Variants in MYO9B observed in about 807,000 individuals in gnomAD.
MYO9B encodes myosin IXB, also known as unconventional myosin-IXb.
Under a neutral mutation model 229.5 loss-of-function variants are expected in MYO9B, and 71 were observed. That is an observed-to-expected ratio of 0.31 (90% CI 0.26 to 0.38). The LOEUF (loss-of-function observed/expected upper bound fraction) is 0.38, where lower values mean the gene tolerates loss of function less well. MYO9B is among the 10% of genes least tolerant of loss of function. The pLI is 1.00. For missense variants in MYO9B, 2,255 were observed against 2,920.5 expected, an observed-to-expected ratio of 0.77 and a Z score of 5.25; for synonymous variants, 1,185 against 1,235.8, an observed-to-expected ratio of 0.96 and a Z score of 0.86.
intron 1 of MYO9B, among the ~76,000 whole-genome samples, chr19:17,091,320 G>A (rs2057635661): frequency 6.6e-6 from 1 of 152,194 alleles, no homozygotes; most frequent in South Asian, 2.1e-4. Flanking sequence ...TGGCCTCATG[G>A]GCTCAGGCAA....
At chr19:17,144,885 G>A (rs1293055445) in intron 2 of MYO9B, among the ~76,000 whole-genome samples, 2 of 149,642 alleles carry the variant, frequency 1.3e-5, no homozygotes, top group African/African-American at 4.9e-5. Flanking sequence ...CAGGAGAACC[G>A]CTTGAACTCG....
In MYO9B at chr19:17,135,343, C is replaced by T. The variant is rs370414574; in HGVS notation, c.841-10054C>T. Among the ~76,000 whole-genome samples, 71 of 152,204 alleles carry T rather than the reference C, an allele frequency of 4.7e-4. 1 individual carries two copies. The highest frequency in any genetic ancestry group is 1.7e-3 in the African/African-American group (69 of 41,532). ...AGTCCAGCGCTGTGGGTTTTATAGC[C>T]TGGGGGGACCATGGCATCCGCCTTC... On this transcript the variant is annotated intron_variant, in intron 2 of 39. Coordinates refer to ENST00000682292, the MANE Select transcript of MYO9B (RefSeq NM_004145.4).
At chr19:17,099,540 C>G (rs2057724488) in intron 1 of MYO9B, among the ~76,000 whole-genome samples, 1 of 151,916 alleles carries the variant, frequency 6.6e-6, no homozygotes, top group Non-Finnish European at 1.5e-5. Flanking sequence ...CTTAGGAGTT[C>G]AAGGCCACCT....
intron 1 of MYO9B, among the ~76,000 whole-genome samples, chr19:17,093,685 GCGGGGGGT>G (rs2057659980): frequency 2.1e-5 from 1 of 46,816 alleles, no homozygotes; most frequent in African/African-American, 1.2e-4. Flanking sequence ...CAGTTTTTTT[GCGGGGGGT>G]GGGGGGGGGG....
chr19:17,207,359 CA>C, intron 35 of MYO9B, 115 bp downstream of exon 35: 2 of 1,376,022 alleles, frequency 1.5e-6, no homozygotes. Flanking sequence ...GAGCCGAGTG[CA>C]GCGGTTCACA....
At chr19:17,137,704 G>A (rs1336141672) in intron 2 of MYO9B, among the ~76,000 whole-genome samples, 1 of 152,178 alleles carries the variant, frequency 6.6e-6, no homozygotes, top group Non-Finnish European at 1.5e-5. Context: ...GCAGCTGAAT[G>A]GAGCCTTCTC....
At chr19:17,142,144 G>T (rs1345200702) in intron 2 of MYO9B, among the ~76,000 whole-genome samples, 1 of 149,844 alleles carries the variant, frequency 6.7e-6, no homozygotes, top group African/African-American at 2.5e-5. Context: ...ACACCACTGG[G>T]CGACAGCAAG....
At chr19:17,182,943 A>G (rs2072877529) in intron 15 of MYO9B, among the ~76,000 whole-genome samples, 1 of 151,662 alleles carries the variant, frequency 6.6e-6, no homozygotes, top group Non-Finnish European at 1.5e-5. Flanking sequence ...GGGTTTTGAG[A>G]CAGAGTCTCT....
intron 11 of MYO9B, among the ~76,000 whole-genome samples, chr19:17,171,067 G>T (rs1261663329): frequency 2.0e-5 from 3 of 152,050 alleles, no homozygotes; most frequent in African/African-American, 7.2e-5. Flanking sequence ...ATGACTGAGG[G>T]TTTTGGGGGA....
At chr19:17,211,530 T>TG (rs2073229072) in intron 38 of MYO9B, 117 bp from the exon 39 acceptor site, 1 of 929,166 alleles carries the variant, frequency 1.1e-6, no homozygotes, top group Non-Finnish European at 1.6e-6. Context: ...CTGCTTGGGG[T>TG]GGGGGGAGGT....
intron 2 of MYO9B, among the ~76,000 whole-genome samples, chr19:17,133,379 C>T (rs1419780742): frequency 6.6e-6 from 1 of 152,092 alleles, no homozygotes; most frequent in Non-Finnish European, 1.5e-5. Context: ...ATTTATTCCT[C>T]CTCTCTAATT....
chr19:17,089,598 AC>A (rs767719851), intron 1 of MYO9B, among the ~76,000 whole-genome samples: 4 of 149,454 alleles, frequency 2.7e-5, no homozygotes, highest in African/African-American at 9.9e-5. Context: ...ACTGACCCCC[AC>A]CCCCAGGGCC....
chr19:17,184,649 G>A (rs866481757), intron 16 of MYO9B: 12 of 523,976 alleles, frequency 2.3e-5, no homozygotes, highest in Middle Eastern at 5.3e-4. Flanking sequence ...GCTGTCATCA[G>A]CCCTCCCGGA....
chr19:17,134,920 C>A (rs1367385361), intron 2 of MYO9B, among the ~76,000 whole-genome samples: 1 of 152,004 alleles, frequency 6.6e-6, no homozygotes, highest in African/African-American at 2.4e-5. Flanking sequence ...TGCACCACCA[C>A]ACCCGGCTAA....
At chr19:17,201,814 G>A (rs754734756) in intron 26 of MYO9B, 112 bp from the exon 27 acceptor site, 11 of 747,768 alleles carry the variant, frequency 1.5e-5, no homozygotes, top group East Asian at 2.7e-5. Context: ...ATTTTATCCC[G>A]AGAGCCTAGG....
At chr19:17,105,445 A>G (rs2145048367) in intron 2 of MYO9B, among the ~76,000 whole-genome samples, 1 of 152,086 alleles carries the variant, frequency 6.6e-6, no homozygotes, top group South Asian at 2.1e-4. Context: ...CAGTGAGCCA[A>G]CGTCTGGCCA....
At chr19:17,178,089 C>T (rs180915714) in intron 14 of MYO9B, among the ~76,000 whole-genome samples, 196 of 152,328 alleles carry the variant, frequency 1.3e-3, no homozygotes, top group African/African-American at 4.6e-3. Flanking sequence ...AGTCATGGGC[C>T]TCATTCCAAG....
intron 10 of MYO9B, among the ~76,000 whole-genome samples, chr19:17,164,181 T>C (rs2072634766): frequency 6.6e-6 from 1 of 152,138 alleles, no homozygotes; most frequent in Non-Finnish European, 1.5e-5. Context: ...ATTGGTGAAC[T>C]TGCCCCAGAA....
chr19:17,168,269 A>C (rs972933275), intron 11 of MYO9B, among the ~76,000 whole-genome samples: 6 of 152,150 alleles, frequency 3.9e-5, no homozygotes, highest in African/African-American at 1.4e-4. Context: ...GGCTCAAGTG[A>C]TCCCCTGACG....
Sources: gnomAD v4.1 joint callset for allele counts (sites outside exome capture counted in the v4.1 genomes callset) on GRCh38, gnomAD v4.1.1 for gene constraint, MANE v1.5 for transcripts, NCBI Gene and HGNC (gene_info 2026-07-23, HGNC 2026-07-21) for gene names.